TNRC18: variants seen among roughly 807,000 people sequenced by gnomAD.
The protein encoded by TNRC18 is trinucleotide repeat-containing gene 18 protein.
A neutral mutation model predicts 226.7 loss-of-function variants in TNRC18; 69 were observed. That is an observed-to-expected ratio of 0.30 (90% CI 0.25 to 0.37). The LOEUF is 0.37. TNRC18 is among the 10% of genes least tolerant of loss of function. The pLI is 1.00. For synonymous variants in TNRC18, 2,449 were observed against 1,927.6 expected, an observed-to-expected ratio of 1.27 and a Z score of -7.09; for missense variants, 4,754 against 4,256.6, an observed-to-expected ratio of 1.12 and a Z score of -3.25.
rs1215570146 is a variant in TNRC18, at chr7:5,316,089, G to A, written c.6746-17C>T. On this transcript the variant is annotated splice_polypyrimidine_tract_variant and intron_variant, in intron 24 of 29. Transcript: ENST00000430969. ...CCAGTAACCCTGTGGGAAGAGGGGA[G>A]GCTCAGGGGAGGCCCTCGGACCTCC... 2 of 1,602,314 alleles carry A rather than the reference G, an allele frequency of 1.2e-6. No individual in the cohort carries two copies. Among genetic ancestry groups the A allele is most frequent in the African/African-American group, 2.7e-5 (2 of 74,458 alleles).
At position 5,388,879 on chromosome 7, in the gene TNRC18, C is replaced by G. The variant is rs752664201; in HGVS notation, c.945G>C (p.Ala315=). 26 of 1,327,238 alleles carry G rather than the reference C, an allele frequency of 2.0e-5. No homozygotes were observed. In the South Asian group the frequency reaches 3.8e-4, roughly 20 times the overall value. 82.2% of individuals were successfully genotyped at this position (1,327,238 alleles called of 1,614,324 possible). A position where few individuals can be genotyped will look rare whatever the true frequency, so the allele number is the denominator to read the frequency against. Residue 315 remains alanine, a synonymous_variant, in exon 5 of 30, where the codon GCG becomes GCC. Transcript: ENST00000430969. ...AKEAARQDEG[A]RLLRRTETLL... The stretch of plus-strand genomic sequence containing the variant: ...GGGTCTCCGTGCGCCGCAGCAGCCG[C>G]GCGCCCTCGTCCTGCCGGGCAGCCT...
intron 14 of TNRC18, among the ~76,000 whole-genome samples, chr7:5,359,879 G>A (rs1792850218): frequency 1.3e-5 from 2 of 152,078 alleles, no homozygotes; most frequent in African/African-American, 4.8e-5. Flanking sequence ...TTACCAAATC[G>A]TGCCAAGAAC....
At chr7:5,404,630 C>T (rs577549889) in intron 2 of TNRC18, among the ~76,000 whole-genome samples, 3 of 152,034 alleles carry the variant, frequency 2.0e-5, no homozygotes, top group Non-Finnish European at 4.4e-5. Context: ...CTGCAGGCGC[C>T]CAGACCCACT....
In TNRC18 at chr7:5,370,723, G is replaced by C. The variant is rs1190811895; in HGVS notation, c.3871C>G (p.Leu1291Val). 2.5e-6 allele frequency: 4 copies of C among 1,607,864 alleles called. No homozygotes were observed. The highest frequency in any genetic ancestry group is 2.7e-5 in the African/African-American group (2 of 74,792). ...GGCACGTCACAGTCTGACATTTCTA[G>C]GGTGGGCTGGGACTCGCTCGGTGCC... ...QVAPSESQPT[L>V]EMSDCDVPAG... Residue 1291 changes from leucine to valine, a missense_variant, in exon 11 of 30, where the codon CTA becomes GTA. By Grantham distance (32) the Leu-to-Val change is conservative (BLOSUM62 1). Transcript: ENST00000430969.
intron 21 of TNRC18, among the ~76,000 whole-genome samples, chr7:5,323,160 G>A (rs1788548076): frequency 1.3e-5 from 2 of 152,230 alleles, no homozygotes; most frequent in South Asian, 4.1e-4. Context: ...AGCGGCAGGT[G>A]ACCAATGCAG....
chr7:5,420,585 G>C, intron 2 of TNRC18: 1 of 453,696 alleles, frequency 2.2e-6, no homozygotes, highest in East Asian at 7.0e-5. Context: ...CTCGGTAACT[G>C]CCAGGGACCC....
intron 2 of TNRC18, among the ~76,000 whole-genome samples, chr7:5,402,116 A>G (rs546379547): frequency 1.4e-5 from 2 of 146,742 alleles, no homozygotes; most frequent in Non-Finnish European, 3.0e-5. Context: ...GAGGCGGAGC[A>G]TGCCGTGAGC....
In TNRC18 at chr7:5,347,428, C is replaced by A. The variant is rs562230390; in HGVS notation, c.5471-1618G>T. On this transcript the variant is annotated intron_variant, in intron 17 of 29. Transcript: ENST00000430969. Reference sequence around the variant, plus strand: ...AGCCAGGATGGTCTCCATCTCCTGACCTCATGATCTGCCCGCCTCAGCCTC... The same window carrying A: ...AGCCAGGATGGTCTCCATCTCCTGAACTCATGATCTGCCCGCCTCAGCCTC... Among the ~76,000 whole-genome samples the A allele has an allele frequency of 6.8e-4, 102 of 150,702 alleles. 1 individual carries two copies. Among genetic ancestry groups the A allele is most frequent in the African/African-American group, 2.0e-3 (81 of 41,102 alleles).
chr7:5,361,464 C>A, intron 14 of TNRC18, 130 bp downstream of exon 14: 1 of 1,180,540 alleles, frequency 8.5e-7, no homozygotes, highest in South Asian at 1.7e-5. Context: ...CCGAGGGCCA[C>A]TGCTGCGGGT....
At chr7:5,323,407 C>T (rs977878580) in intron 21 of TNRC18, among the ~76,000 whole-genome samples, 11 of 149,390 alleles carry the variant, frequency 7.4e-5, no homozygotes, top group African/African-American at 2.2e-4. Flanking sequence ...CACCTCCCAT[C>T]CACACTCCCT....
Position 5,324,799 on chromosome 7 carries a change from G to C in TNRC18, c.6300+297C>G, listed in dbSNP as rs977284377. ...CTCGGGCAGATTCACCCAAGCCTGA[G>C]GGCCCTGTGAGGACCTGGTGCTGGG... On this transcript the variant is annotated intron_variant, in intron 20 of 29. Coordinates refer to ENST00000430969, the MANE Select transcript of TNRC18 (RefSeq NM_001080495.3). This position sits in a 1 kb window ranked among gnomAD's most constrained non-coding sequence, Gnocchi z 4.8. Among the ~76,000 whole-genome samples the C allele has an allele frequency of 3.9e-5, 6 of 152,190 alleles. No homozygotes were observed. Among genetic ancestry groups the C allele is most frequent in the South Asian group, 2.1e-4 (1 of 4,832 alleles).
chr7:5,388,289 G>T lies in TNRC18; in HGVS notation c.1535C>A (p.Pro512His). Reference protein sequence around the residue: ...PPTGPEHKWKPFELGNFAATQ... With the variant: ...PPTGPEHKWKHFELGNFAATQ... ...GGCGGCGAAGTTGCCCAGCTCGAAG[G>T]GTTTCCATTTATGCTCAGGGCCGGT... The change falls in exon 5 of 30, where the codon CCC becomes CAC. Residue 512 changes from proline (P) to histidine (H), a missense_variant. Physicochemically the swap from Pro to His is moderately conservative, Grantham distance 77 (BLOSUM62 -2). Coordinates refer to ENST00000430969, the MANE Select transcript of TNRC18 (RefSeq NM_001080495.3). The T allele has an allele frequency of 1.2e-6, 2 of 1,608,662 alleles. No homozygotes were observed. The highest frequency in any genetic ancestry group is 1.7e-6 in the Non-Finnish European group (2 of 1,178,144).
intron 2 of TNRC18, among the ~76,000 whole-genome samples, chr7:5,399,310 G>C (rs1193924840): frequency 6.6e-6 from 1 of 152,152 alleles, no homozygotes; most frequent in African/African-American, 2.4e-5. Context: ...TCTCGCCCTA[G>C]GCTGAGCTCA....
Position 5,388,801 on chromosome 7 carries a change from G to T in TNRC18, c.1023C>A (p.Pro341=). The T allele has an allele frequency of 8.3e-7, 1 of 1,197,840 alleles. No individual in the cohort carries two copies. The highest frequency in any genetic ancestry group is 2.9e-5 in the South Asian group (1 of 34,252). 74.2% of individuals were successfully genotyped at this position (1,197,840 alleles called of 1,614,324 possible). Residue 341 remains proline (P), a synonymous_variant, in exon 5 of 30, where the codon CCC becomes CCA. Coordinates refer to ENST00000430969, the MANE Select transcript of TNRC18 (RefSeq NM_001080495.3). ...CPSPLPPPPA[P]PKGPPAPPAA... is the part of the protein sequence containing the mutation. ...CGGGGGGTGCAGGAGGCCCCTTGGG[G>T]GGCGCGGGCGGCGGGGGCAGCGGTG...
Position 5,312,998 on chromosome 7 carries a change from G to GGAGGAT in TNRC18, c.7887_7892dup (p.Ser2670_Ser2671dup), listed in dbSNP as rs1295581886. The GGAGGAT allele has an allele frequency of 2.9e-5, 27 of 945,780 alleles. No homozygotes were observed. The highest frequency in any genetic ancestry group is 2.9e-5 in the East Asian group (1 of 34,786). 58.6% of individuals were successfully genotyped at this position (945,780 alleles called of 1,614,324 possible). ...AGGAGGAAGAGGAGGAGGAGGAAGAGGAGGATGAGGAGGAGGAGGAGGAGG... is the reference window on the plus strand; with the variant it reads ...AGGAGGAAGAGGAGGAGGAGGAAGAGGAGGATGAGGATGAGGAGGAGGAGGAGGAGG... On this transcript the variant is annotated inframe_insertion, in exon 27 of 30. Transcript: ENST00000430969. This position sits in a 1 kb window ranked among gnomAD's most constrained non-coding sequence, Gnocchi z 6.3.
chr7:5,325,512 C>T, intron 19 of TNRC18: 1 of 390,702 alleles, frequency 2.6e-6, no homozygotes, highest in Non-Finnish European at 4.6e-6. Context: ...CAAGCTCTGC[C>T]TCCCGGGTTC....
Position 5,377,296 on chromosome 7 carries a change from T to A in TNRC18, c.2461+75A>T. On this transcript the variant is annotated intron_variant, in intron 7 of 29. Transcript: ENST00000430969. This position sits in a 1 kb window ranked among gnomAD's most constrained non-coding sequence, Gnocchi z 5.8. Reference sequence around the variant, plus strand: ...GGAAACGGCAGGCAGGAGCCAGCCCTGAGCTCTTGTCCTGCACCCGCCCCC... The same window carrying A: ...GGAAACGGCAGGCAGGAGCCAGCCCAGAGCTCTTGTCCTGCACCCGCCCCC... 7.1e-7 allele frequency: 1 copy of A among 1,402,130 alleles called. No homozygotes were observed. Among genetic ancestry groups the A allele is most frequent in the Non-Finnish European group, 9.5e-7 (1 of 1,053,514 alleles). 86.9% of individuals were successfully genotyped at this position (1,402,130 alleles called of 1,614,324 possible).
rs1780091217 is a variant in TNRC18, at chr7:5,389,271, T to C, written c.553A>G (p.Thr185Ala). ...CCCGAGGAGTGGCCGCCGCCAGGGG[T>C]CCGGGCCGAGGGCGCGTGAGAGTGC... is the stretch of plus-strand genomic sequence containing the variant. ...SLHSHAPSAR[T>A]PGGGHSSGAP... Residue 185 changes from threonine to alanine, a missense_variant, in exon 5 of 30, where the codon ACC becomes GCC. Coordinates refer to ENST00000430969, the MANE Select transcript of TNRC18 (RefSeq NM_001080495.3). 1 of 1,299,592 alleles carries C rather than the reference T, an allele frequency of 7.7e-7. No individual in the cohort carries two copies. Among genetic ancestry groups the C allele is most frequent in the Non-Finnish European group, 9.7e-7 (1 of 1,025,848 alleles). The allele number at this position is 1,299,592 out of a possible 1,614,324, so 80.5% of individuals were successfully genotyped here. A position where few individuals can be genotyped will look rare whatever the true frequency, so the allele number is the denominator to read the frequency against.
At chr7:5,362,439 C>G (rs146897773) in intron 12 of TNRC18, among the ~76,000 whole-genome samples, 7 of 152,256 alleles carry the variant, frequency 4.6e-5, no homozygotes, top group Non-Finnish European at 8.8e-5. Context: ...TGTGATGAGC[C>G]TGACATGCTA....
Sources: allele counts gnomAD v4.1 joint callset (sites outside exome capture counted in the v4.1 genomes callset), GRCh38; gene constraint gnomAD v4.1.1; non-coding constraint Gnocchi (gnomAD v3.1); transcripts MANE v1.5; gene names NCBI Gene and HGNC (gene_info 2026-07-23, HGNC 2026-07-21).